The following ZKSCAN3 variants were observed in gnomAD, a reference collection of about 807,000 sequenced individuals.
ZKSCAN3 encodes the protein zinc finger with KRAB and SCAN domains 3, also known as zinc finger protein with KRAB and SCAN domains 3.
Under a neutral mutation model 30.7 loss-of-function variants are expected in ZKSCAN3, and 21 were observed. That is an observed-to-expected ratio of 0.68 (90% CI 0.49 to 0.99). The LOEUF (loss-of-function observed/expected upper bound fraction) is 0.99. ZKSCAN3 is among the 50% of genes least tolerant of loss of function. ZKSCAN3 has a pLI of 0.00. For synonymous variants in ZKSCAN3, 201 were observed against 246.7 expected (o/e 0.81, Z 1.73); for missense variants, 507 against 647.1 (o/e 0.78, Z 2.35).
chr6:28,367,648 A>G lies in ZKSCAN3; in HGVS notation c.*1363A>G, dbSNP rs1190049331. On this transcript the variant is annotated 3_prime_UTR_variant, in exon 6 of 6. Transcript: ENST00000252211. ...TGCCCCACCCTACCACCCAACACACACTGTATAGTAAACTGCATCAAAACT... is the reference window on the plus strand; with the variant it reads ...TGCCCCACCCTACCACCCAACACACGCTGTATAGTAAACTGCATCAAAACT... 1 of 151,664 alleles carries G rather than the reference A, an allele frequency of 6.6e-6. No individual in the cohort carries two copies. Among genetic ancestry groups the G allele is most frequent in the African/African-American group, 2.4e-5 (1 of 41,286 alleles). 9.4% of individuals were successfully genotyped at this position (151,664 alleles called of 1,614,324 possible). A position where few individuals can be genotyped will look rare whatever the true frequency, so the allele number is the denominator to read the frequency against.
intron 1 of ZKSCAN3, chr6:28,356,395 G>A (rs1306561703): frequency 6.6e-6 from 1 of 152,264 alleles, no homozygotes. Context: ...TCTCAGAGGG[G>A]GAGCAGGAAA....
chr6:28,353,088 C>T (rs554569981), intron 1 of ZKSCAN3, among the ~76,000 whole-genome samples: 1 of 151,996 alleles, frequency 6.6e-6, no homozygotes, highest in East Asian at 1.9e-4. Context: ...CCTGCCTCAG[C>T]CTCCCAAGTA....
intron 5 of ZKSCAN3, 106 bp from the exon 6 acceptor site, chr6:28,365,320 C>A: frequency 6.9e-7 from 1 of 1,448,660 alleles, no homozygotes; most frequent in Non-Finnish European, 9.3e-7. Context: ...CTTAAATCCT[C>A]ATCCCAGGCA....
In ZKSCAN3 at chr6:28,365,919, C is replaced by G; in HGVS notation, c.1251C>G (p.His417Gln). The stretch of plus-strand genomic sequence containing the variant: ...AGAGCTGCAGCCTCCTTGAACATCA[C>G]AGAATCCACACTGGGGAGAAGCCGT... ...FSQSCSLLEH[H>Q]RIHTGEKPYQ... is the part of the protein sequence containing the mutation. The change falls in exon 6 of 6, where the codon CAC becomes CAG. Residue 417 changes from histidine to glutamine, a missense_variant. His to Gln is a conservative substitution (Grantham distance 24). Transcript: ENST00000252211. 1 of 1,613,248 alleles carries G rather than the reference C, an allele frequency of 6.2e-7. No homozygotes were observed. Among genetic ancestry groups the G allele is most frequent in the East Asian group, 2.2e-5 (1 of 44,872 alleles).
In ZKSCAN3 at chr6:28,363,735, A is replaced by C. The variant is rs1002086647; in HGVS notation, c.677A>C (p.Glu226Ala). 1 of 1,614,100 alleles carries C rather than the reference A, an allele frequency of 6.2e-7. No homozygotes were observed. The highest frequency in any genetic ancestry group is 8.5e-7 in the Non-Finnish European group (1 of 1,179,980). ...VEDVALTLTPEWTQQDSSQGN... is the reference protein window; with the variant it reads ...VEDVALTLTPAWTQQDSSQGN... ...GATGTGGCCCTGACCCTCACCCCTGAATGGACACAGCAGGATTCATCTCAG... is the reference window on the plus strand; with the variant it reads ...GATGTGGCCCTGACCCTCACCCCTGCATGGACACAGCAGGATTCATCTCAG... The change falls in exon 5 of 6, where the codon GAA (glutamate) becomes GCA (alanine). Residue 226 changes from glutamate (E) to alanine (A), a missense_variant. Transcript: ENST00000252211.
At position 28,366,439 on chromosome 6, in the gene ZKSCAN3, T is replaced by G. The variant is rs1005707437; in HGVS notation, c.*154T>G. On this transcript the variant is annotated 3_prime_UTR_variant, in exon 6 of 6. Coordinates refer to ENST00000252211, the MANE Select transcript of ZKSCAN3 (RefSeq NM_024493.4). ...TGTAGACTGGGTTAGACAAATTATC[T>G]TCTAAGTTCTAGAAGGGGTTTGTAA... 3 of 812,712 alleles carry G rather than the reference T, an allele frequency of 3.7e-6. No homozygotes were observed. The highest frequency in any genetic ancestry group is 3.2e-5 in the Admixed American group (1 of 31,128). 50.3% of individuals were successfully genotyped at this position (812,712 alleles called of 1,614,324 possible).
chr6:28,360,022 G>A (rs775500945), intron 2 of ZKSCAN3, 34 bp downstream of exon 2: 22 of 1,613,996 alleles, frequency 1.4e-5, no homozygotes, highest in Non-Finnish European at 1.9e-5. Flanking sequence ...TGAGCGCTGT[G>A]GCCTGTTTCC....
chr6:28,361,633 A>G (rs1379736137), intron 3 of ZKSCAN3, among the ~76,000 whole-genome samples, 162 bp downstream of exon 3: 1 of 152,258 alleles, frequency 6.6e-6, no homozygotes, highest in Non-Finnish European at 1.5e-5. Context: ...AATGATGGAA[A>G]GCTTTTTCAA....
intron 1 of ZKSCAN3, among the ~76,000 whole-genome samples, chr6:28,355,041 TAGC>T (rs1437423419): frequency 6.6e-6 from 1 of 152,196 alleles, no homozygotes; most frequent in Non-Finnish European, 1.5e-5. Flanking sequence ...GCAGTCCAGG[TAGC>T]AGTAGCACCC....
Position 28,365,727 on chromosome 6 carries a change from G to A in ZKSCAN3, c.1059G>A (p.Gly353=). ...AAGAGTGTGGCAAAGCCTTCATTGG[G>A]AGCTCTGCCCTTGTCATTCATCAGA... ...ECEECGKAFI[G]SSALVIHQRV... The change falls in exon 6 of 6, where the codon GGG becomes GGA. Residue 353 remains glycine, a synonymous_variant. Coordinates refer to ENST00000252211, the MANE Select transcript of ZKSCAN3 (RefSeq NM_024493.4). 6.2e-7 allele frequency: 1 copy of A among 1,613,432 alleles called. No individual in the cohort carries two copies. The highest frequency in any genetic ancestry group is 8.5e-7 in the Non-Finnish European group (1 of 1,179,762).
rs959089087 is a variant in ZKSCAN3, at chr6:28,366,898, A to G, written c.*613A>G. ...TTCTTACCAAGTACATAGGCAGAGCAGGGTTACTGTGATTGAAAGAATCCA... is the reference window on the plus strand; with the variant it reads ...TTCTTACCAAGTACATAGGCAGAGCGGGGTTACTGTGATTGAAAGAATCCA... On this transcript the variant is annotated 3_prime_UTR_variant, in exon 6 of 6. Coordinates refer to ENST00000252211, the MANE Select transcript of ZKSCAN3 (RefSeq NM_024493.4). 2 of 152,380 alleles carry G rather than the reference A, an allele frequency of 1.3e-5. No homozygotes were observed. Among genetic ancestry groups the G allele is most frequent in the Admixed American group, 1.3e-4 (2 of 15,262 alleles). 9.4% of individuals were successfully genotyped at this position (152,380 alleles called of 1,614,324 possible).
In ZKSCAN3 at chr6:28,361,462, CAAGAT is replaced by C. The variant is rs1227582209; in HGVS notation, c.543_547del (p.Asp182SerfsTer17). 6.8e-6 allele frequency: 11 copies of C among 1,609,964 alleles called. No individual in the cohort carries two copies. Among genetic ancestry groups the C allele is most frequent in the Admixed American group, 1.7e-5 (1 of 58,794 alleles). On this transcript the variant is annotated frameshift_variant, in exon 3 of 6. Transcript: ENST00000252211. LOFTEE classifies it high-confidence loss of function. ...TGAATCTGTGGGATCCCAGCCTTTA[CAAGAT>C]AGAGGTAAGGATTATTTTCTAGACA...
intron 1 of ZKSCAN3, chr6:28,353,333 G>A (rs1324023174): frequency 6.5e-6 from 1 of 154,454 alleles, no homozygotes; most frequent in Non-Finnish European, 1.4e-5. Context: ...TCCGAGTCCA[G>A]TCAAATAATT....
intron 1 of ZKSCAN3, among the ~76,000 whole-genome samples, chr6:28,354,507 C>T (rs541141231): frequency 2.7e-4 from 41 of 152,266 alleles, no homozygotes; most frequent in Admixed American, 7.8e-4. Flanking sequence ...CTGATACACA[C>T]AGGCTTGACA....
chr6:28,359,524 G>T lies in ZKSCAN3; in HGVS notation c.-62-1G>T. 1.3e-6 allele frequency: 2 copies of T among 1,563,488 alleles called. No individual in the cohort carries two copies. Among genetic ancestry groups the T allele is most frequent in the Non-Finnish European group, 1.7e-6 (2 of 1,154,236 alleles). On this transcript the variant is annotated splice_acceptor_variant, in intron 1 of 5. Transcript: ENST00000252211. LOFTEE classifies it low-confidence loss of function (5UTR_SPLICE). Reference sequence around the variant, plus strand: ...GTTAATAATGATTTCCCACCTTTCAGGGATCTTCTGCAGAAATAGCGCTGG... The same window carrying T: ...GTTAATAATGATTTCCCACCTTTCATGGATCTTCTGCAGAAATAGCGCTGG...
At chr6:28,362,517 C>T (rs983728468) in intron 3 of ZKSCAN3, among the ~76,000 whole-genome samples, 7 of 152,150 alleles carry the variant, frequency 4.6e-5, no homozygotes, top group South Asian at 2.1e-4. Context: ...AGCCAACATG[C>T]GATCTTTATT....
intron 2 of ZKSCAN3, chr6:28,360,257 TTTTA>T (rs1765692218): frequency 1.8e-6 from 1 of 568,946 alleles, no homozygotes. Context: ...TCATACTTTT[TTTTA>T]TTAGTACACT....
At chr6:28,356,482 T>TA in intron 1 of ZKSCAN3, among the ~76,000 whole-genome samples, 1 of 152,204 alleles carries the variant, frequency 6.6e-6, no homozygotes, top group Non-Finnish European at 1.5e-5. Context: ...ACTGCTTGCC[T>TA]AACTCCCACA....
chr6:28,361,333 G>T lies in ZKSCAN3; in HGVS notation c.412G>T (p.Val138Phe), dbSNP rs945415420. ...LDEPAPQVSG[V>F]DQGQELLCCK... is the part of the protein sequence containing the mutation. ...AACAAATGATTTCTAGGTTTCAGGT[G>T]TTGACCAGGGGCAAGAACTGCTCTG... Residue 138 changes from valine to phenylalanine, a missense_variant, in exon 3 of 6, where the codon GTT becomes TTT. Val to Phe is a conservative substitution (Grantham distance 50, BLOSUM62 -1). Transcript: ENST00000252211. 5 of 1,612,412 alleles carry T rather than the reference G, an allele frequency of 3.1e-6. No individual in the cohort carries two copies. In the African/African-American group the frequency reaches 6.7e-5, roughly 22 times the overall value.
Sources: gnomAD v4.1 joint callset for allele counts (sites outside exome capture counted in the v4.1 genomes callset) on GRCh38, gnomAD v4.1.1 for gene constraint, MANE v1.5 for transcripts, NCBI Gene and HGNC (gene_info 2026-07-23, HGNC 2026-07-21) for gene names.